The following DNAH12 variants were observed in gnomAD, a reference collection of about 807,000 sequenced individuals.
DNAH12 encodes the protein dynein axonemal heavy chain 12.
DNAH12 carries 285 observed loss-of-function variants against 371.5 expected under a neutral mutation model. That is an observed-to-expected ratio of 0.77 (90% confidence interval 0.70 to 0.85). The LOEUF (loss-of-function observed/expected upper bound fraction) is 0.85. DNAH12 is among the 40% of genes least tolerant of loss of function. The pLI, the probability that DNAH12 is intolerant of heterozygous loss-of-function variation, is 0.00. For synonymous variants in DNAH12, 1,200 were observed against 1,213.0 expected (o/e 0.99, Z 0.22); for missense variants, 3,611 against 3,689.4 (o/e 0.98, Z 0.55).
chr3:57,532,598 T>C (rs1347423639), intron 2 of DNAH12, among the ~76,000 whole-genome samples: 1 of 152,208 alleles, frequency 6.6e-6, no homozygotes, highest in Non-Finnish European at 1.5e-5. Context: ...AAGTATCACC[T>C]TGTGGTCATG....
chr3:57,401,655 T>A (rs1575548140), intron 43 of DNAH12, among the ~76,000 whole-genome samples: 1 of 138,500 alleles, frequency 7.2e-6, no homozygotes, highest in African/African-American at 2.7e-5. Flanking sequence ...AAAAGAAGAC[T>A]AAACCAAACC....
intron 29 of DNAH12, among the ~76,000 whole-genome samples, chr3:57,438,383 T>C (rs1455527771): frequency 6.6e-6 from 1 of 152,144 alleles, no homozygotes; most frequent in African/African-American, 2.4e-5. Flanking sequence ...AATTATTTTA[T>C]ACACATTGTT....
chr3:57,474,348 G>A (rs1225491999), intron 13 of DNAH12, among the ~76,000 whole-genome samples: 2 of 152,116 alleles, frequency 1.3e-5, no homozygotes, highest in Admixed American at 1.3e-4. Flanking sequence ...CCAGGCTGGA[G>A]TGCAATGGTG....
At chr3:57,476,181 A>G (rs2066516942) in intron 13 of DNAH12, among the ~76,000 whole-genome samples, 1 of 152,210 alleles carries the variant, frequency 6.6e-6, no homozygotes, top group Admixed American at 6.5e-5. Context: ...CTTTATATAA[A>G]GACCAAAATC....
At chr3:57,494,318 C>T (rs996291097) in intron 11 of DNAH12, among the ~76,000 whole-genome samples, 9 of 151,454 alleles carry the variant, frequency 5.9e-5, no homozygotes, top group Non-Finnish European at 1.3e-4. Context: ...TTTAGGAGGC[C>T]AAGGTGCATG....
At chr3:57,471,711 A>T in intron 14 of DNAH12, 105 bp from the exon 15 acceptor site, 1 of 1,037,544 alleles carries the variant, frequency 9.6e-7, no homozygotes, top group Non-Finnish European at 1.3e-6. Flanking sequence ...AGAGAAGTAA[A>T]AATGAGTACA....
intron 68 of DNAH12, 122 bp from the exon 69 acceptor site, chr3:57,309,376 T>A: frequency 1.3e-6 from 1 of 797,916 alleles, no homozygotes; most frequent in Non-Finnish European, 1.9e-6. Context: ...TAACGTACAG[T>A]AATGTATATA....
intron 60 of DNAH12, among the ~76,000 whole-genome samples, chr3:57,351,119 A>G (rs1191798188): frequency 6.6e-6 from 1 of 152,012 alleles, no homozygotes; most frequent in Non-Finnish European, 1.5e-5. Context: ...AAATACAAAA[A>G]TTAGCTGGGC....
At chr3:57,455,489 C>T (rs1575626032) in intron 22 of DNAH12, among the ~76,000 whole-genome samples, 1 of 151,800 alleles carries the variant, frequency 6.6e-6, no homozygotes. Flanking sequence ...AGAATTGCTT[C>T]AACCTGGGAG....
intron 9 of DNAH12, 112 bp downstream of exon 9, chr3:57,503,904 T>C (rs1484458718): frequency 4.7e-6 from 4 of 856,862 alleles, no homozygotes; most frequent in East Asian, 2.8e-5. Flanking sequence ...TTTGAAATAA[T>C]TGGGGGAGGA....
intron 25 of DNAH12, 42 bp downstream of exon 25, chr3:57,452,801 A>G (rs2065792672): frequency 6.7e-7 from 1 of 1,500,344 alleles, no homozygotes; most frequent in Non-Finnish European, 8.9e-7. Context: ...TACAGCAAAA[A>G]GTAATTATTA....
intron 11 of DNAH12, among the ~76,000 whole-genome samples, chr3:57,495,265 A>C (rs1427037459): frequency 1.3e-5 from 2 of 152,098 alleles, no homozygotes; most frequent in Non-Finnish European, 2.9e-5. Flanking sequence ...CAGAATAAGA[A>C]ATATAATCAG....
intron 59 of DNAH12, among the ~76,000 whole-genome samples, 190 bp downstream of exon 59, chr3:57,356,986 G>A (rs1365013838): frequency 6.6e-6 from 1 of 151,926 alleles, no homozygotes; most frequent in Non-Finnish European, 1.5e-5. Context: ...CAAGTGATCT[G>A]CCTGCCTCAG....
At chr3:57,318,775 T>C (rs551006628) in intron 65 of DNAH12, among the ~76,000 whole-genome samples, 41 of 152,062 alleles carry the variant, frequency 2.7e-4, no homozygotes, top group Non-Finnish European at 5.0e-4. Context: ...TTAATCACTG[T>C]AGCTTTGTAT....
At position 57,454,860 on chromosome 3, in the gene DNAH12, C is replaced by T. The variant is rs571195009; in HGVS notation, c.3371G>A (p.Arg1124Gln). 5.2e-6 allele frequency: 8 copies of T among 1,551,218 alleles called. No individual in the cohort carries two copies. Among genetic ancestry groups the T allele is most frequent in the African/African-American group, 2.7e-5 (2 of 73,128 alleles). Reference protein sequence around the residue: ...YPESARRDWVREWPGQVVLCI... With the variant: ...YPESARRDWVQEWPGQVVLCI... ...AAGTACAACTTGGCCAGGCCACTCT[C>T]GAACCCAGTCTCTTCTTGCAGATTC... is the stretch of plus-strand genomic sequence containing the variant. The change falls in exon 23 of 74, where the codon CGA (arginine) becomes CAA (glutamine). Residue 1124 changes from arginine (R) to glutamine (Q), a missense_variant. This residue lies in a region of DNAH12 where 1,314 missense variants were observed against 1,398.7 expected (regional missense o/e 0.94). Coordinates refer to ENST00000495027, the MANE Select transcript of DNAH12 (RefSeq NM_001366028.2).
At chr3:57,541,750 A>G (rs2069295840) in intron 2 of DNAH12, among the ~76,000 whole-genome samples, 1 of 152,070 alleles carries the variant, frequency 6.6e-6, no homozygotes, top group South Asian at 2.1e-4. Context: ...ATATTTAAAT[A>G]TGAGTAAATT....
Position 57,397,068 on chromosome 3 carries a change from C to T in DNAH12, c.6949-2736G>A, listed in dbSNP as rs929272588. Among the ~76,000 whole-genome samples the T allele has an allele frequency of 9.8e-4, 149 of 152,240 alleles. 2 individuals carry two copies. Among genetic ancestry groups the T allele is most frequent in the African/African-American group, 3.4e-3 (142 of 41,524 alleles). The stretch of plus-strand genomic sequence containing the variant: ...TATATGTCAGGAATATTATGAAAAT[C>T]CTTACATACATTATATAATTTAACC... On this transcript the variant is annotated intron_variant, in intron 43 of 73. Coordinates refer to ENST00000495027, the MANE Select transcript of DNAH12 (RefSeq NM_001366028.2).
chr3:57,498,436 C>T, intron 11 of DNAH12: 1 of 705,748 alleles, frequency 1.4e-6, no homozygotes, highest in South Asian at 1.5e-5. Context: ...TTCACCTCAG[C>T]CTCCTGAGTA....
intron 16 of DNAH12, 51 bp from the exon 17 acceptor site, chr3:57,469,030 G>C (rs1375149259): frequency 6.1e-6 from 9 of 1,476,566 alleles, no homozygotes; most frequent in Non-Finnish European, 6.3e-6. Flanking sequence ...AAGTTTGAAG[G>C]GGCCTTAGAG....
Sources: allele counts gnomAD v4.1 joint callset (sites outside exome capture counted in the v4.1 genomes callset), GRCh38; gene constraint gnomAD v4.1.1; regional missense constraint gnomAD v4.1.1; transcripts MANE v1.5; gene names NCBI Gene and HGNC (gene_info 2026-07-23, HGNC 2026-07-21).